The following MYBL2 variants were observed in gnomAD, a reference collection of about 807,000 sequenced individuals.
MYBL2 encodes MYB proto-oncogene like 2.
In MYBL2, 28 loss-of-function variants were observed where a neutral mutation model predicts 79.9. That is an observed-to-expected ratio of 0.35 (90% confidence interval 0.26 to 0.48). The LOEUF (loss-of-function observed/expected upper bound fraction) is 0.48, where lower values mean the gene tolerates loss of function less well. Among genes scored for constraint, MYBL2 ranks in the 20% least tolerant of loss-of-function variants. The probability of loss-of-function intolerance (pLI) is 0.99; values close to 1 mark genes in which losing one functional copy is unlikely to be tolerated. For synonymous variants in MYBL2, 378 were observed against 361.2 expected (o/e 1.05, Z -0.53); for missense variants, 735 against 893.9 (o/e 0.82, Z 2.27).
At chr20:43,691,492 C>T (rs74986387) in intron 5 of MYBL2, among the ~76,000 whole-genome samples, 2,440 of 151,006 alleles carry the variant, frequency 0.016, 73 homozygotes, top group African/African-American at 0.057. Flanking sequence ...CAGCACCTCC[C>T]AAAGTGCCAG....
At chr20:43,684,150 C>A (rs1039775968) in intron 4 of MYBL2, among the ~76,000 whole-genome samples, 14 of 151,948 alleles carry the variant, frequency 9.2e-5, no homozygotes, top group African/African-American at 3.4e-4. Context: ...GCTGGTTGAA[C>A]TTCTGGGCTC....
At chr20:43,712,662 G>C (rs1322634631) in intron 11 of MYBL2, among the ~76,000 whole-genome samples, 1 of 152,118 alleles carries the variant, frequency 6.6e-6, no homozygotes, top group Admixed American at 6.6e-5. Flanking sequence ...GTGTTACTGG[G>C]GTGATTCTCT....
chr20:43,712,222 C>T (rs376534569), intron 11 of MYBL2, among the ~76,000 whole-genome samples: 4 of 152,166 alleles, frequency 2.6e-5, no homozygotes, highest in African/African-American at 4.8e-5. Context: ...CATGACAGTG[C>T]GCGATCCCTT....
chr20:43,696,762 CTG>C (rs1288017111), intron 6 of MYBL2, among the ~76,000 whole-genome samples: 1 of 152,228 alleles, frequency 6.6e-6, no homozygotes, highest in Admixed American at 6.5e-5. Context: ...GGGTCTCACT[CTG>C]TTGCCAGGCT....
At chr20:43,681,941 A>G (rs1471903189) in intron 3 of MYBL2, 86 bp downstream of exon 3, 1 of 1,394,386 alleles carries the variant, frequency 7.2e-7, no homozygotes, top group Non-Finnish European at 1.0e-6. Flanking sequence ...CAAGGAGGGG[A>G]AAAGGGAGTT....
intron 2 of MYBL2, among the ~76,000 whole-genome samples, chr20:43,680,546 G>A (rs1173774264): frequency 1.3e-5 from 2 of 152,196 alleles, no homozygotes; most frequent in East Asian, 3.9e-4. Flanking sequence ...TGCCGAGGCT[G>A]GAGTGCAGTG....
chr20:43,692,372 C>A, intron 6 of MYBL2, 53 bp downstream of exon 6: 1 of 1,602,246 alleles, frequency 6.2e-7, no homozygotes, highest in Non-Finnish European at 8.5e-7. Flanking sequence ...TCATCTGACA[C>A]CATCTCATTG....
chr20:43,706,485 A>G (rs1005636107), intron 9 of MYBL2, among the ~76,000 whole-genome samples: 2 of 152,128 alleles, frequency 1.3e-5, no homozygotes, highest in South Asian at 2.1e-4. Flanking sequence ...GGAAATCGCT[A>G]TTTTGTGATT....
chr20:43,677,718 C>T (rs572553825), intron 2 of MYBL2, among the ~76,000 whole-genome samples: 3 of 149,738 alleles, frequency 2.0e-5, no homozygotes, highest in South Asian at 2.1e-4. Flanking sequence ...CCACCCCGTC[C>T]GGGAGGTGAG....
Position 43,671,147 on chromosome 20 carries a change from T to TTTTA in MYBL2, c.21-2647_21-2644dup, listed in dbSNP as rs375399957. On this transcript the variant is annotated intron_variant, in intron 1 of 13. Transcript: ENST00000217026. ...CCATGCCCAGCTAATTTTTGTGGGT[T>TTTTA]TTTATTTATTTATTTTTTTTGAGAT... is the stretch of plus-strand genomic sequence containing the variant. 6.1e-3 allele frequency among the ~76,000 whole-genome samples: 924 copies of TTTTA among 151,738 alleles called. 10 individuals are homozygous for TTTTA. Among genetic ancestry groups the TTTTA allele is most frequent in the African/African-American group, 0.021 (879 of 41,316 alleles).
At chr20:43,682,005 G>A in intron 3 of MYBL2, 150 bp downstream of exon 3, 1 of 744,822 alleles carries the variant, frequency 1.3e-6, no homozygotes, top group Non-Finnish European at 2.2e-6. Flanking sequence ...ATGGACCTTT[G>A]TAGGATCTCT....
In MYBL2 at chr20:43,711,551, CTCA is replaced by C. The variant is rs768199517; in HGVS notation, c.1675_1677del (p.Ile559del). On this transcript the variant is annotated inframe_deletion, in exon 11 of 14. Coordinates refer to ENST00000217026, the MANE Select transcript of MYBL2 (RefSeq NM_002466.4). ...GCTGCGTTCTGAGGCTGGCATCGAA[CTCA>C]TCATCGAGGACGACATCAGGCCCGA... The C allele has an allele frequency of 6.2e-7, 1 of 1,613,824 alleles. No homozygotes were observed.
intron 12 of MYBL2, 54 bp from the exon 13 acceptor site, chr20:43,715,080 C>A: frequency 6.3e-7 from 1 of 1,598,988 alleles, no homozygotes; most frequent in Non-Finnish European, 8.6e-7. Flanking sequence ...TTTTTTTCTT[C>A]CCTCTCACAG....
intron 12 of MYBL2, among the ~76,000 whole-genome samples, chr20:43,714,073 A>G (rs539821633): frequency 6.6e-6 from 1 of 152,192 alleles, no homozygotes; most frequent in South Asian, 2.1e-4. Flanking sequence ...CAAAGAAAAA[A>G]ACATCACCGC....
At chr20:43,685,513 T>A (rs1338094155) in intron 4 of MYBL2, among the ~76,000 whole-genome samples, 1 of 151,966 alleles carries the variant, frequency 6.6e-6, no homozygotes, top group Non-Finnish European at 1.5e-5. Context: ...AAAATAAAAT[T>A]TAGTTTGAAA....
rs868740156 is a variant in MYBL2 at position 43,667,293 on chromosome 20, C to T, written c.10C>T (p.Arg4Trp). 5.4e-5 allele frequency: 66 copies of T among 1,228,394 alleles called. No homozygotes were observed. The Middle Eastern group carries it at 1.6e-3, about 29-fold the overall frequency. The allele number at this position is 1,228,394 out of a possible 1,614,324, so 76.1% of individuals were successfully genotyped here. ...GGTCCGGGCCGGGGGGATGTCTCGGCGGACGCGCTGGTGAGACGAGCCGGG... is the reference window on the plus strand; with the variant it reads ...GGTCCGGGCCGGGGGGATGTCTCGGTGGACGCGCTGGTGAGACGAGCCGGG... Reference protein sequence around the residue: MSRRTRCEDLDELH... With the variant: MSRWTRCEDLDELH... Residue 4 changes from arginine to tryptophan, a missense_variant, in exon 1 of 14, where the codon CGG becomes TGG. Around this residue, in one of 5 missense-constraint regions of MYBL2, gnomAD observed 79 missense variants for 86.7 expected, o/e 0.91. Transcript: ENST00000217026.
intron 5 of MYBL2, among the ~76,000 whole-genome samples, chr20:43,688,149 A>T (rs1365140935): frequency 6.6e-6 from 1 of 151,666 alleles, no homozygotes; most frequent in Non-Finnish European, 1.5e-5. Flanking sequence ...TTCCCTAAAA[A>T]TTTTACTTTC....
chr20:43,673,938 G>C (rs1227302443), intron 2 of MYBL2, 39 bp downstream of exon 2: 1 of 1,517,960 alleles, frequency 6.6e-7, no homozygotes, highest in Admixed American at 2.0e-5. Flanking sequence ...TGGCAGCTGG[G>C]GGCTGTCCAG....
chr20:43,683,579 A>C (rs1425006652), intron 4 of MYBL2, among the ~76,000 whole-genome samples: 3 of 108,962 alleles, frequency 2.8e-5, no homozygotes, highest in Non-Finnish European at 5.3e-5. Context: ...TTTGAGACGG[A>C]GTCTTGCTTT....
Sources: allele counts gnomAD v4.1 joint callset (sites outside exome capture counted in the v4.1 genomes callset), GRCh38; gene constraint gnomAD v4.1.1; regional missense constraint gnomAD v4.1.1; transcripts MANE v1.5; gene names NCBI Gene and HGNC (gene_info 2026-07-23, HGNC 2026-07-21).